Variants in CARF observed in about 807,000 individuals in gnomAD.
CARF encodes the protein calcium-responsive transcription factor.
Under a neutral mutation model 82.0 loss-of-function variants are expected in CARF, and 57 were observed. The ratio of observed to expected loss-of-function variants is 0.70; its 90% CI spans 0.56 to 0.87. The LOEUF (loss-of-function observed/expected upper bound fraction) is 0.87. Ranked by LOEUF, CARF falls within the 40% of genes least tolerant of loss-of-function variation. CARF has a pLI of 0.00. For synonymous variants in CARF, 268 were observed against 290.1 expected, an observed-to-expected ratio of 0.92 and a Z score of 0.77; for missense variants, 771 against 855.8, an observed-to-expected ratio of 0.90 and a Z score of 1.24.
chr2:202,956,545 CA>C (rs910875022), intron 8 of CARF, among the ~76,000 whole-genome samples: 1 of 152,110 alleles, frequency 6.6e-6, no homozygotes, highest in African/African-American at 2.4e-5. Flanking sequence ...ACCACTGCGC[CA>C]GGCCAGATTT....
At chr2:202,969,302 A>G (rs1009574762) in intron 10 of CARF, among the ~76,000 whole-genome samples, 9 of 151,966 alleles carry the variant, frequency 5.9e-5, no homozygotes, top group Non-Finnish European at 1.0e-4. Context: ...AGGGCCAGGC[A>G]TGGCAGCTCA....
intron 3 of CARF, among the ~76,000 whole-genome samples, chr2:202,926,721 A>G (rs949122257): frequency 2.0e-5 from 3 of 152,230 alleles, no homozygotes; most frequent in Non-Finnish European, 4.4e-5. Flanking sequence ...TTTTATAGAC[A>G]CAGTATATGT....
chr2:202,913,520 C>T (rs1166827354), intron 1 of CARF, among the ~76,000 whole-genome samples: 1 of 152,160 alleles, frequency 6.6e-6, no homozygotes, highest in Non-Finnish European at 1.5e-5. Context: ...AGAATAGCCA[C>T]ATTGAGTGGA....
At chr2:202,959,853 G>C (rs2059230251) in intron 8 of CARF, among the ~76,000 whole-genome samples, 1 of 151,046 alleles carries the variant, frequency 6.6e-6, no homozygotes, top group South Asian at 2.1e-4. Context: ...TTCTCCTCTA[G>C]TACGAGGATA....
chr2:202,980,080 C>T (rs2060186807), intron 14 of CARF, among the ~76,000 whole-genome samples: 2 of 152,222 alleles, frequency 1.3e-5, no homozygotes, highest in South Asian at 4.1e-4. Flanking sequence ...ACCTTAGCCC[C>T]CCAAGTAGCT....
chr2:202,921,573 A>G (rs931748176), intron 2 of CARF, among the ~76,000 whole-genome samples: 1 of 152,200 alleles, frequency 6.6e-6, no homozygotes, highest in Non-Finnish European at 1.5e-5. Context: ...AATTTTATAC[A>G]TAGAGACTTT....
rs2060468757 is a variant in CARF at position 202,986,903 on chromosome 2, T to TGTATAC, written c.*3279_*3280insGTATAC. 1.2e-5 allele frequency: 1 copy of TGTATAC among 84,574 alleles called. No individual in the cohort carries two copies. Among genetic ancestry groups the TGTATAC allele is most frequent in the African/African-American group, 3.3e-5 (1 of 30,178 alleles). 5.2% of individuals were successfully genotyped at this position (84,574 alleles called of 1,614,324 possible). On this transcript the variant is annotated 3_prime_UTR_variant, in exon 17 of 17. Transcript: ENST00000438828. ...ATATATATATATATATATATATATATATATAGCAACTTGATGTATAGTGTC... is the reference window on the plus strand; with the variant it reads ...ATATATATATATATATATATATATATGTATACATATAGCAACTTGATGTATAGTGTC...
In CARF at chr2:202,971,516, A is replaced by G. The variant is rs1281249016; in HGVS notation, c.1109A>G (p.Gln370Arg). 1.2e-6 allele frequency: 2 copies of G among 1,607,220 alleles called. No homozygotes were observed. Among genetic ancestry groups the G allele is most frequent in the Non-Finnish European group, 1.7e-6 (2 of 1,174,538 alleles). The change falls in exon 12 of 17, where the codon CAG (glutamine) becomes CGG (arginine). Residue 370 changes from glutamine (Q) to arginine (R), a missense_variant. Coordinates refer to ENST00000438828, the MANE Select transcript of CARF (RefSeq NM_024744.17). ...TTTTCTCTTACCAGGTGGTATGTAC[A>G]GTTACCTACACAGCAAGCTCATCAG... ...DAGGVLRWYVQLPTQQAHQYH... is the reference protein window; with the variant it reads ...DAGGVLRWYVRLPTQQAHQYH...
At chr2:202,956,466 G>A (rs888503014) in intron 8 of CARF, among the ~76,000 whole-genome samples, 5 of 151,976 alleles carry the variant, frequency 3.3e-5, no homozygotes, top group Admixed American at 3.3e-4. Context: ...ATGTTGGCCA[G>A]ACTGGTCTCA....
At chr2:202,964,104 G>A (rs1451470765) in intron 9 of CARF, among the ~76,000 whole-genome samples, 1 of 152,032 alleles carries the variant, frequency 6.6e-6, no homozygotes, top group Non-Finnish European at 1.5e-5. Context: ...GCCTGGTTTC[G>A]CAGCCAAGTG....
intron 5 of CARF, among the ~76,000 whole-genome samples, chr2:202,951,171 A>G (rs942221237): frequency 6.6e-6 from 1 of 151,908 alleles, no homozygotes; most frequent in Admixed American, 6.6e-5. Flanking sequence ...CTGAACCCCC[A>G]GAGTAGCTGG....
intron 12 of CARF, among the ~76,000 whole-genome samples, chr2:202,972,277 A>G (rs2059818945): frequency 6.6e-6 from 1 of 152,028 alleles, no homozygotes; most frequent in Non-Finnish European, 1.5e-5. Context: ...GGCTTTTTAC[A>G]TGTATGATCT....
intron 3 of CARF, chr2:202,925,414 C>A: frequency 3.4e-6 from 1 of 294,290 alleles, no homozygotes; most frequent in Non-Finnish European, 6.8e-6. Context: ...AAATGGCATC[C>A]TTGCCGAGGT....
In CARF at chr2:202,947,203, A is replaced by G. The variant is rs139569846; in HGVS notation, c.306+4236A>G. ...TATGTTTATTGAAGCACTGTTTACA[A>G]TAGCAAAGTCTTGGAACTACCCCAA... On this transcript the variant is annotated intron_variant, in intron 5 of 16. Transcript: ENST00000438828. Among the ~76,000 whole-genome samples, 479 of 152,340 alleles carry G rather than the reference A, an allele frequency of 3.1e-3. 2 individuals carry two copies. The highest frequency in any genetic ancestry group is 6.8e-3 in the Middle Eastern group (2 of 294).
intron 14 of CARF, among the ~76,000 whole-genome samples, chr2:202,978,472 A>G (rs552204354): frequency 6.6e-6 from 1 of 152,308 alleles, no homozygotes; most frequent in East Asian, 1.9e-4. Flanking sequence ...GGTGATGGGA[A>G]GTTGAAGAAA....
chr2:202,970,105 C>T (rs554480481), intron 11 of CARF, 43 bp downstream of exon 11: 10 of 1,468,366 alleles, frequency 6.8e-6, no homozygotes, highest in Non-Finnish European at 9.1e-6. Flanking sequence ...AATTAATTAG[C>T]TCAATTTGCA....
At chr2:202,955,183 A>G (rs543834929) in intron 7 of CARF, among the ~76,000 whole-genome samples, 1 of 152,308 alleles carries the variant, frequency 6.6e-6, no homozygotes, top group African/African-American at 2.4e-5. Context: ...GGAAATATGT[A>G]CATGGCTTAT....
chr2:202,931,664 CTGTT>C (rs1441478660), intron 3 of CARF, among the ~76,000 whole-genome samples: 1 of 152,196 alleles, frequency 6.6e-6, no homozygotes, highest in African/African-American at 2.4e-5. Flanking sequence ...GGTGTAGTGT[CTGTT>C]TGTGGATAGG....
intron 12 of CARF, among the ~76,000 whole-genome samples, chr2:202,972,005 T>C (rs1209824821): frequency 1.3e-5 from 2 of 152,132 alleles, no homozygotes; most frequent in African/African-American, 4.8e-5. Context: ...GGACTATGTC[T>C]AAATGATGTA....
Sources: gnomAD v4.1 joint callset for allele counts (sites outside exome capture counted in the v4.1 genomes callset) on GRCh38, gnomAD v4.1.1 for gene constraint, MANE v1.5 for transcripts, NCBI Gene and HGNC (gene_info 2026-07-23, HGNC 2026-07-21) for gene names.